AMPH: variants seen among roughly 807,000 people sequenced by gnomAD.
AMPH encodes the protein amphiphysin (Stiff-Mann syndrome with breast cancer 128kD autoantigen).
In AMPH, 49 loss-of-function variants were observed where a neutral mutation model predicts 99.1. The ratio of observed to expected loss-of-function variants is 0.49; its 90% CI spans 0.39 to 0.63. AMPH has a LOEUF of 0.63. Among genes scored for constraint, AMPH ranks in the 20% least tolerant of loss-of-function variants. The pLI is 0.00. For missense variants in AMPH, 759 were observed against 863.4 expected (o/e 0.88, Z 1.52); for synonymous variants, 314 against 317.3 (o/e 0.99, Z 0.11).
At chr7:38,482,142 G>C (rs1466014331) in intron 5 of AMPH, among the ~76,000 whole-genome samples, 1 of 152,046 alleles carries the variant, frequency 6.6e-6, no homozygotes, top group African/African-American at 2.4e-5. Flanking sequence ...TTCCTCAACT[G>C]TTACTTGTGT....
intron 11 of AMPH, among the ~76,000 whole-genome samples, chr7:38,442,850 G>T (rs1267356832): frequency 6.6e-6 from 1 of 150,724 alleles, no homozygotes; most frequent in Admixed American, 6.6e-5. Context: ...ATACAGATTA[G>T]AGTGGAAATC....
intron 17 of AMPH, among the ~76,000 whole-genome samples, chr7:38,406,728 T>TTC (rs1367243142): frequency 1.9e-5 from 1 of 53,964 alleles, no homozygotes; most frequent in Non-Finnish European, 3.7e-5. Flanking sequence ...CTCTCTCCCT[T>TTC]TCCCTCTCTC....
chr7:38,463,777 C>T (rs563076907), intron 9 of AMPH, among the ~76,000 whole-genome samples: 3 of 152,148 alleles, frequency 2.0e-5, no homozygotes, highest in Non-Finnish European at 4.4e-5. Flanking sequence ...TACTAAGAAC[C>T]CACCATGTTC....
intron 2 of AMPH, among the ~76,000 whole-genome samples, chr7:38,510,828 T>C (rs975433357): frequency 6.6e-6 from 1 of 152,226 alleles, no homozygotes; most frequent in African/African-American, 2.4e-5. Context: ...AAGGCACCAT[T>C]CTCCATGCTC....
intron 1 of AMPH, among the ~76,000 whole-genome samples, chr7:38,606,786 G>A (rs1411750238): frequency 6.6e-6 from 1 of 151,940 alleles, no homozygotes; most frequent in East Asian, 1.9e-4. Flanking sequence ...TGTTGCCCAG[G>A]CTGGTCTTGA....
intron 20 of AMPH, among the ~76,000 whole-genome samples, chr7:38,388,123 A>G (rs7790709): frequency 0.017 from 2,622 of 152,304 alleles, 52 homozygotes; most frequent in African/African-American, 0.046. Context: ...TTCTTTAAGC[A>G]GAAAGGAAAT....
chr7:38,447,751 A>AACACACAC lies in AMPH; in HGVS notation c.1018-11371_1018-11364dup, dbSNP rs34380529. ...ATGGCTGCATGCAAACAGACAGATAAACACACACACACACACACACACACA... is the reference window on the plus strand; with the variant it reads ...ATGGCTGCATGCAAACAGACAGATAAACACACACACACACACACACACACACACACACA... On this transcript the variant is annotated intron_variant, in intron 11 of 20. Transcript: ENST00000356264. 6.4e-5 allele frequency among the ~76,000 whole-genome samples: 9 copies of AACACACAC among 139,756 alleles called. No individual in the cohort carries two copies. In the South Asian group the frequency reaches 8.8e-4, roughly 14 times the overall value. The allele number at this position is 139,756 out of a possible 152,430, so 91.7% of individuals were successfully genotyped here.
chr7:38,522,972 G>A (rs1229806796), intron 2 of AMPH, among the ~76,000 whole-genome samples: 1 of 152,010 alleles, frequency 6.6e-6, no homozygotes, highest in Non-Finnish European at 1.5e-5. Flanking sequence ...GCCGGGCGTA[G>A]TGGTGGGCGC....
chr7:38,470,082 C>T (rs1369707286), intron 7 of AMPH, among the ~76,000 whole-genome samples: 20 of 152,098 alleles, frequency 1.3e-4, no homozygotes, highest in Admixed American at 1.3e-3. Flanking sequence ...GTGGTATACC[C>T]CTCAACACTC....
chr7:38,581,176 A>G (rs1792443435), intron 1 of AMPH, among the ~76,000 whole-genome samples: 1 of 152,200 alleles, frequency 6.6e-6, no homozygotes, highest in African/African-American at 2.4e-5. Flanking sequence ...AATTATTTTA[A>G]ATAATAATTA....
intron 1 of AMPH, among the ~76,000 whole-genome samples, chr7:38,615,235 A>G (rs1471542444): frequency 6.6e-6 from 1 of 152,178 alleles, no homozygotes; most frequent in African/African-American, 2.4e-5. Context: ...TAGGGATAAT[A>G]ATAGCACCTA....
At chr7:38,413,495 G>A (rs1237759198) in intron 17 of AMPH, among the ~76,000 whole-genome samples, 3 of 152,172 alleles carry the variant, frequency 2.0e-5, no homozygotes, top group Non-Finnish European at 4.4e-5. Flanking sequence ...CTTAGAATTT[G>A]ATGGGCATGG....
Position 38,446,324 on chromosome 7 carries a change from G to A in AMPH, c.1018-9936C>T, listed in dbSNP as rs529007493. ...TTTATCCCTAGGTATTCGCCCAAGAGAAATGAAAGCATGCATGCACACAAA... is the reference window on the plus strand; with the variant it reads ...TTTATCCCTAGGTATTCGCCCAAGAAAAATGAAAGCATGCATGCACACAAA... On this transcript the variant is annotated intron_variant, in intron 11 of 20. Coordinates refer to ENST00000356264, the MANE Select transcript of AMPH (RefSeq NM_001635.4). Among the ~76,000 whole-genome samples the A allele has an allele frequency of 2.6e-5, 4 of 152,314 alleles. No homozygotes were observed. The South Asian group carries it at 8.3e-4, about 32-fold the overall frequency.
chr7:38,422,221 G>A (rs1785603608), intron 16 of AMPH, among the ~76,000 whole-genome samples, 200 bp downstream of exon 16: 1 of 152,190 alleles, frequency 6.6e-6, no homozygotes, highest in Non-Finnish European at 1.5e-5. Context: ...TGGAATCACT[G>A]TGCCTGTGTG....
intron 11 of AMPH, among the ~76,000 whole-genome samples, chr7:38,450,897 T>C (rs532491075): frequency 6.6e-6 from 1 of 151,810 alleles, no homozygotes; most frequent in South Asian, 2.1e-4. Context: ...CACTTTCTTT[T>C]TTTTTTTTTT....
intron 11 of AMPH, among the ~76,000 whole-genome samples, chr7:38,442,746 A>C (rs1201029911): frequency 6.6e-6 from 1 of 152,094 alleles, no homozygotes; most frequent in Non-Finnish European, 1.5e-5. Context: ...GAAAACAAAA[A>C]GGTCCGAAAT....
chr7:38,496,795 G>A (rs1364419450), intron 3 of AMPH, among the ~76,000 whole-genome samples: 2 of 152,086 alleles, frequency 1.3e-5, no homozygotes, highest in African/African-American at 4.8e-5. Flanking sequence ...AAAACTTCTG[G>A]CATTTTCTTT....
At chr7:38,553,650 T>C (rs912821494) in intron 1 of AMPH, among the ~76,000 whole-genome samples, 1 of 152,252 alleles carries the variant, frequency 6.6e-6, no homozygotes, top group Non-Finnish European at 1.5e-5. Context: ...TTATTCAGAT[T>C]AAATATTGTC....
chr7:38,618,041 C>T (rs1394683100), intron 1 of AMPH, among the ~76,000 whole-genome samples: 1 of 152,064 alleles, frequency 6.6e-6, no homozygotes. Context: ...CTGGACATCT[C>T]GTACTATGAT....
Sources: allele counts gnomAD v4.1 joint callset (sites outside exome capture counted in the v4.1 genomes callset), GRCh38; gene constraint gnomAD v4.1.1; transcripts MANE v1.5; gene names NCBI Gene and HGNC (gene_info 2026-07-23, HGNC 2026-07-21).